The following RBFOX1 variants were observed in gnomAD, a reference collection of about 807,000 sequenced individuals.
RBFOX1 encodes RNA binding fox-1 homolog 1.
Under a neutral mutation model 57.7 loss-of-function variants are expected in RBFOX1, and 8 were observed. The ratio of observed to expected loss-of-function variants is 0.14; its 90% CI spans 0.08 to 0.25. RBFOX1 has a LOEUF of 0.25. Ranked by LOEUF, RBFOX1 falls within the 10% of genes least tolerant of loss-of-function variation. RBFOX1 has a pLI of 1.00. For missense variants in RBFOX1, 611 were observed against 548.5 expected (o/e 1.11, Z -1.14); for synonymous variants, 326 against 222.4 (o/e 1.47, Z -4.15).
intron 4 of RBFOX1, among the ~76,000 whole-genome samples, chr16:5,971,156 C>G (rs2059954082): frequency 6.6e-6 from 1 of 152,340 alleles, no homozygotes; most frequent in Non-Finnish European, 1.5e-5. Flanking sequence ...GTGCTAGGCA[C>G]TCTGCTGGCT....
At chr16:6,974,924 T>A (rs2153576601) in intron 3 of RBFOX1, among the ~76,000 whole-genome samples, 1 of 152,240 alleles carries the variant, frequency 6.6e-6, no homozygotes, top group South Asian at 2.1e-4. Context: ...GGACCCTCCC[T>A]CTTTTAAAAC....
At chr16:6,058,288 C>T (rs905130227) in intron 1 of RBFOX1, among the ~76,000 whole-genome samples, 3 of 151,818 alleles carry the variant, frequency 2.0e-5, no homozygotes, top group Non-Finnish European at 2.9e-5. Flanking sequence ...CTCCTTCTTT[C>T]CCTGCCTTCC....
chr16:6,561,430 T>C (rs778912947), intron 2 of RBFOX1, among the ~76,000 whole-genome samples: 5 of 152,228 alleles, frequency 3.3e-5, no homozygotes, highest in African/African-American at 9.6e-5. Flanking sequence ...GTACCAAATA[T>C]GTATTTACCC....
At chr16:5,423,696 G>T (rs1174398780) in intron 1 of RBFOX1, among the ~76,000 whole-genome samples, 1 of 152,158 alleles carries the variant, frequency 6.6e-6, no homozygotes, top group African/African-American at 2.4e-5. Flanking sequence ...TGTCTGCTCT[G>T]TCCCCCCTTC....
chr16:7,572,438 C>T (rs889529518), intron 5 of RBFOX1, among the ~76,000 whole-genome samples: 4 of 152,148 alleles, frequency 2.6e-5, no homozygotes, highest in Non-Finnish European at 5.9e-5. Context: ...ATTTGAATCC[C>T]AGGAGATATT....
chr16:7,106,104 T>C (rs112161543), intron 4 of RBFOX1, among the ~76,000 whole-genome samples: 182 of 152,294 alleles, frequency 1.2e-3, no homozygotes, highest in African/African-American at 4.2e-3. Context: ...TTCCTCCTTG[T>C]CCTTTGAAAC....
chr16:5,822,315 A>G (rs1016136014), intron 3 of RBFOX1, among the ~76,000 whole-genome samples: 5 of 152,206 alleles, frequency 3.3e-5, no homozygotes, highest in East Asian at 1.9e-4. Flanking sequence ...ATAAAAGACA[A>G]CAAATATGGT....
At chr16:6,357,086 C>G (rs1056139913) in intron 2 of RBFOX1, among the ~76,000 whole-genome samples, 1 of 152,038 alleles carries the variant, frequency 6.6e-6, no homozygotes, top group Non-Finnish European at 1.5e-5. Context: ...GGAAGCAGCG[C>G]TCACTCTCCC....
At chr16:6,642,658 G>A (rs929576245) in intron 2 of RBFOX1, among the ~76,000 whole-genome samples, 3 of 104,058 alleles carry the variant, frequency 2.9e-5, no homozygotes, top group African/African-American at 5.6e-5. Context: ...CCAAAGAAAG[G>A]TAGGGGACTC....
intron 1 of RBFOX1, among the ~76,000 whole-genome samples, chr16:6,157,120 C>T (rs1344215518): frequency 6.6e-6 from 1 of 151,884 alleles, no homozygotes; most frequent in Non-Finnish European, 1.5e-5. Context: ...GAGGTGTGAG[C>T]CAACACCCCT....
intron 3 of RBFOX1, among the ~76,000 whole-genome samples, chr16:6,698,330 TG>T (rs1390921995): frequency 6.6e-6 from 1 of 152,192 alleles, no homozygotes; most frequent in Non-Finnish European, 1.5e-5. Flanking sequence ...TATGAGGATG[TG>T]GGAAAGTCTG....
At chr16:6,877,771 T>G (rs2062113884) in intron 3 of RBFOX1, among the ~76,000 whole-genome samples, 1 of 152,000 alleles carries the variant, frequency 6.6e-6, no homozygotes, top group Non-Finnish European at 1.5e-5. Context: ...ATTGTATAAA[T>G]TGCTTTAACG....
intron 3 of RBFOX1, among the ~76,000 whole-genome samples, chr16:6,916,919 G>A (rs556841139): frequency 1.3e-5 from 2 of 151,926 alleles, no homozygotes; most frequent in South Asian, 2.1e-4. Context: ...ACATAATCTC[G>A]GCTCACTGCA....
At chr16:6,021,581 G>A (rs377323473) in intron 1 of RBFOX1, among the ~76,000 whole-genome samples, 1 of 152,304 alleles carries the variant, frequency 6.6e-6, no homozygotes, top group East Asian at 1.9e-4. Flanking sequence ...GAGGCCCTCC[G>A]TTTGGAAGAA....
chr16:6,940,774 G>GTT (rs2078255380), intron 3 of RBFOX1, among the ~76,000 whole-genome samples: 1 of 93,692 alleles, frequency 1.1e-5, no homozygotes, highest in Non-Finnish European at 2.2e-5. Context: ...GTGTGTGTGT[G>GTT]TGTGTGTGTG....
chr16:6,709,203 G>A (rs1218004168), intron 3 of RBFOX1, among the ~76,000 whole-genome samples: 2 of 152,056 alleles, frequency 1.3e-5, no homozygotes, highest in Non-Finnish European at 2.9e-5. Flanking sequence ...GTTTTTAAAA[G>A]GTTGCACAAG....
At chr16:7,607,800 C>A (rs1358331093) in intron 10 of RBFOX1, among the ~76,000 whole-genome samples, 1 of 152,168 alleles carries the variant, frequency 6.6e-6, no homozygotes, top group Admixed American at 6.5e-5. Flanking sequence ...AAGGGAAGGC[C>A]TTTTTCGATA....
intron 4 of RBFOX1, among the ~76,000 whole-genome samples, chr16:7,210,919 A>G (rs2090998719): frequency 6.6e-6 from 1 of 151,686 alleles, no homozygotes; most frequent in African/African-American, 2.4e-5. Context: ...ATAAAAGAAA[A>G]AAAAATTTCA....
At chr16:7,015,219 A>T (rs778600994) in intron 3 of RBFOX1, among the ~76,000 whole-genome samples, 3 of 152,120 alleles carry the variant, frequency 2.0e-5, no homozygotes, top group Non-Finnish European at 4.4e-5. Context: ...GGCATTGTGA[A>T]GGCATTAGTA....
Sources: gnomAD v4.1 joint callset for allele counts (sites outside exome capture counted in the v4.1 genomes callset) on GRCh38, gnomAD v4.1.1 for gene constraint, MANE v1.5 for transcripts, NCBI Gene and HGNC (gene_info 2026-07-23, HGNC 2026-07-21) for gene names.